The following PCED1B variants were observed in gnomAD, a reference collection of about 807,000 sequenced individuals.
The protein encoded by PCED1B is PC-esterase domain-containing protein 1B.
For missense variants in PCED1B, 573 were observed against 573.9 expected (o/e 1.00, Z 0.02); for synonymous variants, 251 against 246.1 (o/e 1.02, Z -0.19).
At chr12:47,128,575 T>G (rs1939993973) in intron 2 of PCED1B, among the ~76,000 whole-genome samples, 1 of 152,206 alleles carries the variant, frequency 6.6e-6, no homozygotes, top group Non-Finnish European at 1.5e-5. Context: ...TCAACTCTTG[T>G]ATCAATAATA....
intron 2 of PCED1B, among the ~76,000 whole-genome samples, chr12:47,107,285 T>C (rs1344566001): frequency 6.6e-6 from 1 of 152,136 alleles, no homozygotes; most frequent in Non-Finnish European, 1.5e-5. Flanking sequence ...GGAATCTTGG[T>C]GGGGTCAAAG....
intron 2 of PCED1B, among the ~76,000 whole-genome samples, chr12:47,161,918 G>A (rs1372438445): frequency 6.6e-6 from 1 of 152,180 alleles, no homozygotes; most frequent in Non-Finnish European, 1.5e-5. Context: ...ATACACTATG[G>A]AATGCTATGC....
chr12:47,171,346 C>T (rs185933551), intron 2 of PCED1B, among the ~76,000 whole-genome samples: 6 of 152,132 alleles, frequency 3.9e-5, no homozygotes, highest in Non-Finnish European at 8.8e-5. Context: ...GGATTACAGG[C>T]GTGAGCCACC....
chr12:47,222,771 A>G (rs964282764), intron 3 of PCED1B, among the ~76,000 whole-genome samples: 2 of 63,140 alleles, frequency 3.2e-5, no homozygotes, highest in Non-Finnish European at 5.9e-5. Context: ...GCAGTGGAGC[A>G]GGATCAAACC....
intron 2 of PCED1B, among the ~76,000 whole-genome samples, chr12:47,105,069 ATC>A (rs1938885526): frequency 6.6e-6 from 1 of 152,200 alleles, no homozygotes; most frequent in Non-Finnish European, 1.5e-5. Flanking sequence ...ATTGGGAAAT[ATC>A]TCTGAGTCTA....
At chr12:47,121,759 G>A (rs1007869829) in intron 2 of PCED1B, among the ~76,000 whole-genome samples, 1 of 152,032 alleles carries the variant, frequency 6.6e-6, no homozygotes, top group Non-Finnish European at 1.5e-5. Flanking sequence ...AGCCGGGTGT[G>A]GTGGAGCTCA....
chr12:47,199,876 T>G (rs1942713439), intron 2 of PCED1B, among the ~76,000 whole-genome samples: 2 of 152,170 alleles, frequency 1.3e-5, no homozygotes, highest in South Asian at 4.1e-4. Context: ...TAAGTGAGAC[T>G]TCAATAAAAC....
Position 47,180,209 on chromosome 12 carries a change from C to T in PCED1B, c.-525-36013C>T, listed in dbSNP as rs150162713. Among the ~76,000 whole-genome samples, 924 of 152,244 alleles carry T rather than the reference C, an allele frequency of 6.1e-3. 10 individuals carry two copies. Among genetic ancestry groups the T allele is most frequent in the African/African-American group, 0.021 (859 of 41,544 alleles). On this transcript the variant is annotated intron_variant, in intron 2 of 3. Transcript: ENST00000546455. ...CATGCAGTGTTTGGTTTTCTGTTCC[C>T]GTGTTAGTTTGCTGAGGATAATGGC...
At chr12:47,122,833 A>T (rs1404010295) in intron 2 of PCED1B, among the ~76,000 whole-genome samples, 12 of 152,200 alleles carry the variant, frequency 7.9e-5, no homozygotes, top group African/African-American at 2.9e-4. Context: ...GATTAGATTT[A>T]TTAAGCACTC....
At chr12:47,157,629 T>G (rs1941236941) in intron 2 of PCED1B, among the ~76,000 whole-genome samples, 1 of 152,216 alleles carries the variant, frequency 6.6e-6, no homozygotes, top group Non-Finnish European at 1.5e-5. Flanking sequence ...TTTTTTTCAT[T>G]GTGGAAATAT....
At chr12:47,184,367 A>G (rs1334674384) in intron 2 of PCED1B, among the ~76,000 whole-genome samples, 2 of 152,040 alleles carry the variant, frequency 1.3e-5, no homozygotes, top group African/African-American at 2.4e-5. Context: ...GCAGATTTCC[A>G]TGATGCAAAT....
chr12:47,173,399 G>A (rs756521976), intron 2 of PCED1B, among the ~76,000 whole-genome samples: 2 of 151,992 alleles, frequency 1.3e-5, no homozygotes, highest in Non-Finnish European at 2.9e-5. Flanking sequence ...GACTAGAAGC[G>A]CCCGCCACCA....
At chr12:47,226,409 T>C (rs1194590445) in intron 3 of PCED1B, among the ~76,000 whole-genome samples, 2 of 152,236 alleles carry the variant, frequency 1.3e-5, no homozygotes, top group Non-Finnish European at 2.9e-5. Context: ...AGTCTCGCTC[T>C]GTCGCCCAGC....
intron 2 of PCED1B, among the ~76,000 whole-genome samples, chr12:47,151,539 A>G (rs546507596): frequency 6.6e-6 from 1 of 152,322 alleles, no homozygotes; most frequent in African/African-American, 2.4e-5. Context: ...GATCTATTAT[A>G]ACGAGTTAGC....
At chr12:47,184,262 T>G (rs187288803) in intron 2 of PCED1B, among the ~76,000 whole-genome samples, 1 of 152,338 alleles carries the variant, frequency 6.6e-6, no homozygotes, top group African/African-American at 2.4e-5. Context: ...CTTGCATGCT[T>G]ACCCTCTGGC....
intron 2 of PCED1B, among the ~76,000 whole-genome samples, chr12:47,175,232 A>T (rs1941884488): frequency 6.6e-6 from 1 of 152,168 alleles, no homozygotes; most frequent in Non-Finnish European, 1.5e-5. Context: ...TAATCTAGAG[A>T]TGTACATTAT....
intron 3 of PCED1B, among the ~76,000 whole-genome samples, chr12:47,217,485 A>AAAAAGAAAGAAAAAG (rs1943318400): frequency 8.9e-6 from 1 of 112,692 alleles, no homozygotes; most frequent in Non-Finnish European, 1.7e-5. Context: ...AGAAAGAAAG[A>AAAAAGAAAGAAAAAG]AAGAAAGAAA....
chr12:47,195,221 C>A (rs564299881), intron 2 of PCED1B, among the ~76,000 whole-genome samples: 25 of 150,988 alleles, frequency 1.7e-4, no homozygotes, highest in Admixed American at 4.0e-4. Flanking sequence ...CCCAGCTACT[C>A]GGGAAGCTGA....
intron 2 of PCED1B, among the ~76,000 whole-genome samples, chr12:47,203,373 C>T (rs997642686): frequency 6.6e-6 from 1 of 152,092 alleles, no homozygotes; most frequent in African/African-American, 2.4e-5. Flanking sequence ...TAAACATGTG[C>T]CATTGTCATT....
Sources: allele counts gnomAD v4.1 joint callset (sites outside exome capture counted in the v4.1 genomes callset), GRCh38; gene constraint gnomAD v4.1.1; transcripts MANE v1.5; gene names NCBI Gene and HGNC (gene_info 2026-07-23, HGNC 2026-07-21).